Variants in ALS2 observed in about 807,000 individuals in gnomAD.
ALS2 encodes alsin.
In ALS2, 117 loss-of-function variants were observed where a neutral mutation model predicts 203.4. That is an observed-to-expected ratio of 0.58 (90% CI 0.50 to 0.67). The LOEUF is 0.67. Among genes scored for constraint, ALS2 ranks in the 30% least tolerant of loss-of-function variants. ALS2 has a pLI of 0.00. For missense variants in ALS2, 1,715 were observed against 1,989.4 expected (o/e 0.86, Z 2.62); for synonymous variants, 718 against 725.9 (o/e 0.99, Z 0.17).
chr2:201,774,350 G>A (rs879616581), intron 1 of ALS2, among the ~76,000 whole-genome samples: 7 of 152,186 alleles, frequency 4.6e-5, no homozygotes, highest in Non-Finnish European at 7.3e-5. Context: ...AGAGATCACA[G>A]GTACAGATAT....
intron 29 of ALS2, among the ~76,000 whole-genome samples, chr2:201,706,440 G>A (rs568548443): frequency 7.5e-4 from 113 of 149,762 alleles, no homozygotes; most frequent in Non-Finnish European, 1.3e-3. Context: ...AATTGCAAAT[G>A]GAGAGGGAGG....
chr2:201,702,978 T>A (rs1689482055), intron 33 of ALS2, among the ~76,000 whole-genome samples: 2 of 152,100 alleles, frequency 1.3e-5, no homozygotes, highest in African/African-American at 4.8e-5. Flanking sequence ...TAGCCAGGTG[T>A]GGTGGCAGGC....
At chr2:201,718,919 C>T (rs751018637) in intron 23 of ALS2, among the ~76,000 whole-genome samples, 118 of 151,828 alleles carry the variant, frequency 7.8e-4, no homozygotes, top group Non-Finnish European at 1.1e-3. Context: ...AACAAACTAA[C>T]AAACTAAACC....
At chr2:201,707,773 T>C (rs879797145) in intron 28 of ALS2, 96 bp downstream of exon 28, 48 of 1,498,974 alleles carry the variant, frequency 3.2e-5, no homozygotes, top group African/African-American at 9.7e-5. Context: ...AATGAGGAAA[T>C]AGATCTAGAG....
intron 11 of ALS2, among the ~76,000 whole-genome samples, chr2:201,740,350 C>T (rs1050328684): frequency 6.6e-6 from 1 of 151,940 alleles, no homozygotes; most frequent in Admixed American, 6.6e-5. Flanking sequence ...CATACATAAA[C>T]CCAAATATTT....
intron 10 of ALS2, among the ~76,000 whole-genome samples, chr2:201,743,970 C>T (rs912040472): frequency 3.9e-5 from 6 of 152,186 alleles, no homozygotes; most frequent in Admixed American, 3.9e-4. Flanking sequence ...GTAGGGTCAA[C>T]TTTCCCAAAG....
At position 201,748,204 on chromosome 2, in the gene ALS2, T is replaced by TTG. The variant is rs139801413; in HGVS notation, c.1816-1458_1816-1457dup. Among the ~76,000 whole-genome samples the TTG allele has an allele frequency of 4.6e-3, 694 of 150,678 alleles. 1 individual carries two copies. The highest frequency in any genetic ancestry group is 0.021 in the Middle Eastern group (6 of 290). On this transcript the variant is annotated intron_variant, in intron 8 of 33. Transcript: ENST00000264276. Reference sequence around the variant, plus strand: ...AATCATAGGTGATTTTGTGTGTGTGTTGTGTGTGTGTGTGTGTGTCTACTA... The same window carrying TTG: ...AATCATAGGTGATTTTGTGTGTGTGTTGTGTGTGTGTGTGTGTGTGTCTACTA...
chr2:201,743,069 T>TC, intron 10 of ALS2, among the ~76,000 whole-genome samples: 1 of 69,756 alleles, frequency 1.4e-5, no homozygotes, highest in South Asian at 3.8e-4. Context: ...AGACTCTGTC[T>TC]CAAAAAAAAA....
intron 20 of ALS2, 138 bp downstream of exon 20, chr2:201,725,218 C>G (rs1691086499): frequency 1.4e-6 from 1 of 720,240 alleles, no homozygotes. Flanking sequence ...CACAGAGTTT[C>G]AATTTTATTT....
Position 201,746,611 on chromosome 2 carries a change from C to A in ALS2, c.1953G>T (p.Glu651Asp), listed in dbSNP as rs916899155. 1 of 1,614,046 alleles carries A rather than the reference C, an allele frequency of 6.2e-7. No individual in the cohort carries two copies. Among genetic ancestry groups the A allele is most frequent in the East Asian group, 2.2e-5 (1 of 44,884 alleles). ...CTGGAGTCTTAGAACCACTGTGATT[C>A]TCTGGAAGGTTGTCACCTTCTGTAG... ...QDPTEGDNLP[E>D]NHSGSKTPVL... Residue 651 changes from glutamate to aspartate, a missense_variant, in exon 9 of 34, where the codon GAG (glutamate) becomes GAT (aspartate). By Grantham distance (45) the Glu-to-Asp change is conservative. Coordinates refer to ENST00000264276, the MANE Select transcript of ALS2 (RefSeq NM_020919.4).
In ALS2 at chr2:201,746,805, G is replaced by A. The variant is rs552908365; in HGVS notation, c.1816-57C>T. ...GATAAAGGCAATCAGAGAGAACTTCGGATCCACAGGAACTGAAACGTTAGG... is the reference window on the plus strand; with the variant it reads ...GATAAAGGCAATCAGAGAGAACTTCAGATCCACAGGAACTGAAACGTTAGG... On this transcript the variant is annotated intron_variant, in intron 8 of 33. Coordinates refer to ENST00000264276, the MANE Select transcript of ALS2 (RefSeq NM_020919.4). 246 of 1,588,312 alleles carry A rather than the reference G, an allele frequency of 1.5e-4. 3 individuals are homozygous for A. In the South Asian group the frequency reaches 2.6e-3, roughly 17 times the overall value.
intron 33 of ALS2, among the ~76,000 whole-genome samples, chr2:201,703,646 A>T (rs1052319716): frequency 2.6e-5 from 4 of 152,116 alleles, no homozygotes; most frequent in African/African-American, 9.7e-5. Context: ...ACTTCTAACA[A>T]TCTCTCCAGG....
intron 4 of ALS2, chr2:201,760,628 A>C: frequency 1.6e-6 from 2 of 1,284,658 alleles, no homozygotes; most frequent in Non-Finnish European, 2.0e-6. Context: ...AAAAAAAATG[A>C]AATGCTCCTA....
intron 26 of ALS2, 102 bp from the exon 27 acceptor site, chr2:201,710,140 T>C: frequency 7.1e-7 from 1 of 1,407,132 alleles, no homozygotes; most frequent in Non-Finnish European, 9.9e-7. Flanking sequence ...ATTGTCAAAA[T>C]GTCAAGAGTC....
In ALS2 at chr2:201,754,512, A is replaced by T. The variant is rs1693264946; in HGVS notation, c.1631T>A (p.Val544Asp). ...GKEGQLGHGD[V>D]LPRLQPLCVK... is the part of the protein sequence containing the mutation. ...TGTTGGTAGCGCTTACCTAGGCAGAACATCGCCGTGCCCCAGCTGCCCTTC... is the reference window on the plus strand; with the variant it reads ...TGTTGGTAGCGCTTACCTAGGCAGATCATCGCCGTGCCCCAGCTGCCCTTC... The change falls in exon 6 of 34, where the codon GTT becomes GAT. Residue 544 changes from valine (V) to aspartate (D), a missense_variant. By Grantham distance (152) the Val-to-Asp change is radical. Coordinates refer to ENST00000264276, the MANE Select transcript of ALS2 (RefSeq NM_020919.4). 6.2e-7 allele frequency: 1 copy of T among 1,613,942 alleles called. No homozygotes were observed. Among genetic ancestry groups the T allele is most frequent in the South Asian group, 1.1e-5 (1 of 91,084 alleles).
chr2:201,764,822 C>T (rs1693994333), intron 3 of ALS2, among the ~76,000 whole-genome samples: 1 of 152,142 alleles, frequency 6.6e-6, no homozygotes, highest in Admixed American at 6.5e-5. Context: ...TATGCAATTT[C>T]AAACATACAC....
chr2:201,767,498 A>G (rs1351057831), intron 2 of ALS2, 115 bp from the exon 3 acceptor site: 7 of 1,122,254 alleles, frequency 6.2e-6, no homozygotes, highest in Non-Finnish European at 9.1e-6. Flanking sequence ...TAGGTCAGAT[A>G]GCTGAATTAG....
chr2:201,734,467 C>CAAAAAAAAAAAAAAAAAAAAAAAA (rs576164468), intron 12 of ALS2, among the ~76,000 whole-genome samples: 1 of 132,358 alleles, frequency 7.6e-6, no homozygotes, highest in African/African-American at 2.8e-5. Flanking sequence ...CAGCCTGTCT[C>CAAAAAAAAAAAAAAAAAAAAAAAA]AAAAAAAAAA....
Position 201,706,827 on chromosome 2 carries a change from T to C in ALS2, c.4580+19A>G, listed in dbSNP as rs1424226559. On this transcript the variant is annotated intron_variant, in intron 29 of 33. Transcript: ENST00000264276. The stretch of plus-strand genomic sequence containing the variant: ...TTAAATTAAAACCATTTGGTTGCGC[T>C]TGTAACTACTACACTTACCTCTGCA... 2 of 1,613,726 alleles carry C rather than the reference T, an allele frequency of 1.2e-6. No homozygotes were observed. The highest frequency in any genetic ancestry group is 1.7e-5 in the Admixed American group (1 of 59,986).
Sources: allele counts gnomAD v4.1 joint callset (sites outside exome capture counted in the v4.1 genomes callset), GRCh38; gene constraint gnomAD v4.1.1; transcripts MANE v1.5; gene names NCBI Gene and HGNC (gene_info 2026-07-23, HGNC 2026-07-21).